LMX1B: variants seen among roughly 807,000 people sequenced by gnomAD.
LMX1B encodes the protein LIM homeobox transcription factor 1 beta.
LMX1B carries 12 observed loss-of-function variants against 51.4 expected under a neutral mutation model. The observed-to-expected ratio is 0.23, with a 90% CI of 0.15 to 0.38. The LOEUF (loss-of-function observed/expected upper bound fraction) is 0.38, where lower values mean the gene tolerates loss of function less well. LMX1B is among the 10% of genes least tolerant of loss of function. The probability of loss-of-function intolerance (pLI) is 1.00; values close to 1 mark genes in which losing one functional copy is unlikely to be tolerated. For synonymous variants in LMX1B, 237 were observed against 235.4 expected (o/e 1.01, Z -0.06); for missense variants, 445 against 571.1 (o/e 0.78, Z 2.25).
intron 3 of LMX1B, 33 bp from the exon 4 acceptor site, chr9:126,693,109 C>T (rs1365512627): frequency 6.5e-7 from 1 of 1,547,008 alleles, no homozygotes; most frequent in African/African-American, 1.4e-5. Flanking sequence ...TGCCCCCGCC[C>T]CTTCATCACA....
intron 2 of LMX1B, among the ~76,000 whole-genome samples, chr9:126,621,793 T>TG (rs1212643498): frequency 1.3e-5 from 2 of 152,096 alleles, no homozygotes; most frequent in South Asian, 2.1e-4. Context: ...TGTGTAATTT[T>TG]GGGGGGAAGG....
Position 126,697,159 on chromosome 9 carries a change from G to A in LMX1B, c.*708G>A, listed in dbSNP as rs10987413. ...GGTCTGTCCTGCCTTGTCAGAAAGA[G>A]AAAAGGAGGCCAGGCAGGGGACCCC... On this transcript the variant is annotated 3_prime_UTR_variant, in exon 8 of 8. Transcript: ENST00000373474. 0.24 allele frequency: 35,836 copies of A among 152,478 alleles called. 5,203 individuals carry two copies. Among genetic ancestry groups the A allele is most frequent in the Middle Eastern group, 0.39 (113 of 292 alleles). 9.4% of individuals were successfully genotyped at this position (152,478 alleles called of 1,614,324 possible). A position where few individuals can be genotyped will look rare whatever the true frequency, so the allele number is the denominator to read the frequency against.
At position 126,693,829 on chromosome 9, in the gene LMX1B, G is replaced by T. The variant is rs1366783759; in HGVS notation, c.886+17G>T. ...TGGGCCAGGGTGAGCCGGGGCCGGGGCAGGGCCTGGGCCAGGGTGAGCTGG... is the reference window on the plus strand; with the variant it reads ...TGGGCCAGGGTGAGCCGGGGCCGGGTCAGGGCCTGGGCCAGGGTGAGCTGG... On this transcript the variant is annotated intron_variant, in intron 6 of 7. Coordinates refer to ENST00000373474, the MANE Select transcript of LMX1B (RefSeq NM_001174147.2). The T allele has an allele frequency of 3.4e-6, 4 of 1,175,274 alleles. No homozygotes were observed. Among genetic ancestry groups the T allele is most frequent in the Non-Finnish European group, 4.9e-6 (4 of 817,850 alleles). 72.8% of individuals were successfully genotyped at this position (1,175,274 alleles called of 1,614,324 possible). A position where few individuals can be genotyped will look rare whatever the true frequency, so the allele number is the denominator to read the frequency against.
chr9:126,660,643 C>G (rs1836226696), intron 2 of LMX1B, among the ~76,000 whole-genome samples: 1 of 152,140 alleles, frequency 6.6e-6, no homozygotes, highest in East Asian at 1.9e-4. Flanking sequence ...GTATCAAAGC[C>G]TAGAACATGG....
intron 2 of LMX1B, among the ~76,000 whole-genome samples, chr9:126,632,538 G>T (rs1026431197): frequency 6.6e-6 from 1 of 152,220 alleles, no homozygotes; most frequent in Admixed American, 6.5e-5. Flanking sequence ...TTATTGGACA[G>T]GGGAGTGACA....
Position 126,625,701 on chromosome 9 carries a change from A to ACCTCCG in LMX1B, c.326+10135_326+10140dup, listed in dbSNP as rs1452312120. Among the ~76,000 whole-genome samples the ACCTCCG allele has an allele frequency of 3.3e-5, 5 of 151,528 alleles. No individual in the cohort carries two copies. Among genetic ancestry groups the ACCTCCG allele is most frequent in the Non-Finnish European group, 7.4e-5 (5 of 67,882 alleles). On this transcript the variant is annotated intron_variant, in intron 2 of 7. Coordinates refer to ENST00000373474, the MANE Select transcript of LMX1B (RefSeq NM_001174147.2). This position sits in a 1 kb window ranked among gnomAD's most constrained non-coding sequence, Gnocchi z 5.3. ...CCAGGCCCGTGGCGCCTTTCTCGCCACCTCCGCCGCCGCCGCCGCCACCCT... is the reference window on the plus strand; with the variant it reads ...CCAGGCCCGTGGCGCCTTTCTCGCCACCTCCGCCTCCGCCGCCGCCGCCGCCACCCT...
intron 2 of LMX1B, among the ~76,000 whole-genome samples, chr9:126,682,894 GAAAAAAAA>G (rs577172677): frequency 5.8e-5 from 5 of 86,140 alleles, no homozygotes; most frequent in Non-Finnish European, 1.1e-4. Context: ...CACTCTGTCT[GAAAAAAAA>G]AAAAAAAAAA....
Position 126,615,604 on chromosome 9 carries a change from C to A in LMX1B, c.326+35C>A. 6.4e-7 allele frequency: 1 copy of A among 1,571,926 alleles called. No homozygotes were observed. Among genetic ancestry groups the A allele is most frequent in the Non-Finnish European group, 8.6e-7 (1 of 1,157,772 alleles). On this transcript the variant is annotated intron_variant, in intron 2 of 7. Transcript: ENST00000373474. The surrounding 1 kb of genome is among the most constrained non-coding windows in gnomAD (Gnocchi z 6.0). The stretch of plus-strand genomic sequence containing the variant: ...TCTCGTCCTCCTTCCCCGCCACCGC[C>A]CGGCACTCGAGCCCGGTCAGCCCCC...
At chr9:126,644,660 C>T (rs1247463946) in intron 2 of LMX1B, among the ~76,000 whole-genome samples, 2 of 152,158 alleles carry the variant, frequency 1.3e-5, no homozygotes, top group African/African-American at 2.4e-5. Flanking sequence ...TGGCTTTGCC[C>T]TCTGGCTCAG....
intron 2 of LMX1B, among the ~76,000 whole-genome samples, chr9:126,646,353 T>C (rs1204492527): frequency 6.8e-6 from 1 of 147,690 alleles, no homozygotes; most frequent in Non-Finnish European, 1.5e-5. Flanking sequence ...TCCATCTACC[T>C]ACCCATCCAC....
In LMX1B at chr9:126,662,062, C is replaced by A. The variant is rs948984356; in HGVS notation, c.327-28774C>A. ...AGCCGAGCCCCCTGCACCCCTCCCCCACGCAGCGCCCTGCAGAATAAAGAA... is the reference window on the plus strand; with the variant it reads ...AGCCGAGCCCCCTGCACCCCTCCCCAACGCAGCGCCCTGCAGAATAAAGAA... On this transcript the variant is annotated intron_variant, in intron 2 of 7. Transcript: ENST00000373474. Among the ~76,000 whole-genome samples the A allele has an allele frequency of 7.9e-5, 12 of 152,364 alleles. 1 individual carries two copies. The highest frequency in any genetic ancestry group is 5.2e-4 in the Admixed American group (8 of 15,314).
chr9:126,623,646 G>A (rs1444811325), intron 2 of LMX1B, among the ~76,000 whole-genome samples: 1 of 152,286 alleles, frequency 6.6e-6, no homozygotes, highest in East Asian at 1.9e-4. Context: ...CCGACCTTCC[G>A]GAAGGTGCGG....
chr9:126,629,369 C>G (rs1835593668), intron 2 of LMX1B, among the ~76,000 whole-genome samples: 1 of 152,250 alleles, frequency 6.6e-6, no homozygotes, highest in Admixed American at 6.5e-5. Flanking sequence ...CCATCAGGCA[C>G]TGCTCTCAGC....
chr9:126,699,234 G>A lies in LMX1B; in HGVS notation c.*2783G>A, dbSNP rs2030455325. On this transcript the variant is annotated 3_prime_UTR_variant, in exon 8 of 8. Transcript: ENST00000373474. ...ACCCTGAGGCAAGAGAGGGAAAGAGGCCTGTCCAAGGTCCGGGTTAGTGAC... is the reference window on the plus strand; with the variant it reads ...ACCCTGAGGCAAGAGAGGGAAAGAGACCTGTCCAAGGTCCGGGTTAGTGAC... 6.6e-6 allele frequency: 1 copy of A among 152,158 alleles called. No individual in the cohort carries two copies. The highest frequency in any genetic ancestry group is 2.1e-4 in the South Asian group (1 of 4,826). The allele number at this position is 152,158 out of a possible 1,614,324, so 9.4% of individuals were successfully genotyped here. A position where few individuals can be genotyped will look rare whatever the true frequency, so the allele number is the denominator to read the frequency against.
At chr9:126,686,855 G>A (rs1412373751) in intron 2 of LMX1B, among the ~76,000 whole-genome samples, 5 of 152,258 alleles carry the variant, frequency 3.3e-5, no homozygotes, top group Non-Finnish European at 7.3e-5. Context: ...AGGATTGAAT[G>A]AGGTGATGCA....
chr9:126,661,572 G>T (rs1299262435), intron 2 of LMX1B, among the ~76,000 whole-genome samples: 1 of 152,168 alleles, frequency 6.6e-6, no homozygotes, highest in African/African-American at 2.4e-5. Context: ...AGGAACCCCA[G>T]ACAAGGGAGG....
In LMX1B at chr9:126,700,807, G is replaced by C. The variant is rs1255671562; in HGVS notation, c.*4356G>C. ...TGGGGATGGGCCACCGGCCATTCCTGTTTTCCTTGTACAGACAGATTCTCA... is the reference window on the plus strand; with the variant it reads ...TGGGGATGGGCCACCGGCCATTCCTCTTTTCCTTGTACAGACAGATTCTCA... On this transcript the variant is annotated 3_prime_UTR_variant, in exon 8 of 8. Coordinates refer to ENST00000373474, the MANE Select transcript of LMX1B (RefSeq NM_001174147.2). 1 of 152,218 alleles carries C rather than the reference G, an allele frequency of 6.6e-6. No homozygotes were observed. Among genetic ancestry groups the C allele is most frequent in the South Asian group, 2.1e-4 (1 of 4,830 alleles). The allele number at this position is 152,218 out of a possible 1,614,324, so 9.4% of individuals were successfully genotyped here.
chr9:126,649,451 A>G (rs1190074653), intron 2 of LMX1B, among the ~76,000 whole-genome samples: 1 of 152,188 alleles, frequency 6.6e-6, no homozygotes, highest in African/African-American at 2.4e-5. Flanking sequence ...CTCCAACTCA[A>G]GCAGGCCTCA....
intron 2 of LMX1B, among the ~76,000 whole-genome samples, chr9:126,682,587 ATAG>A (rs1446276257): frequency 3.9e-5 from 6 of 152,138 alleles, no homozygotes; most frequent in Admixed American, 2.6e-4. Context: ...CGGCCCGCAC[ATAG>A]TAGACGCTAA....
Sources: gnomAD v4.1 joint callset for allele counts (sites outside exome capture counted in the v4.1 genomes callset) on GRCh38, gnomAD v4.1.1 for gene constraint, Gnocchi (gnomAD v3.1) non-coding constraint, MANE v1.5 for transcripts, NCBI Gene and HGNC (gene_info 2026-07-23, HGNC 2026-07-21) for gene names.